The following NRG2 variants were observed in gnomAD, a reference collection of about 807,000 sequenced individuals.
The protein encoded by NRG2 is pro-neuregulin-2, membrane-bound isoform.
NRG2 carries 27 observed loss-of-function variants against 73.9 expected under a neutral mutation model. The observed-to-expected ratio is 0.37, with a 90% CI of 0.27 to 0.50. The LOEUF (loss-of-function observed/expected upper bound fraction) is 0.50. Ranked by LOEUF, NRG2 falls within the 20% of genes least tolerant of loss-of-function variation. The pLI is 0.96. For synonymous variants in NRG2, 532 were observed against 541.0 expected, an observed-to-expected ratio of 0.98 and a Z score of 0.23; for missense variants, 1,126 against 1,210.1, an observed-to-expected ratio of 0.93 and a Z score of 1.03.
At chr5:139,932,156 C>A (rs1752507901) in intron 1 of NRG2, among the ~76,000 whole-genome samples, 1 of 151,956 alleles carries the variant, frequency 6.6e-6, no homozygotes, top group Non-Finnish European at 1.5e-5. Context: ...AAGCATTAGT[C>A]ACATTAGCCA....
Position 139,847,767 on chromosome 5 carries a change from A to G in NRG2, c.*150T>C, listed in dbSNP as rs1202372214. 3.4e-6 allele frequency: 2 copies of G among 592,206 alleles called. No homozygotes were observed. The highest frequency in any genetic ancestry group is 5.0e-6 in the Non-Finnish European group (2 of 401,148). 36.7% of individuals were successfully genotyped at this position (592,206 alleles called of 1,614,324 possible). A position where few individuals can be genotyped will look rare whatever the true frequency, so the allele number is the denominator to read the frequency against. ...GTATTATAAGACAATTTTTGCTAAA[A>G]TGAAAATAAAACATTTTGTTATACT... On this transcript the variant is annotated 3_prime_UTR_variant, in exon 10 of 10. Transcript: ENST00000361474.
At chr5:139,886,097 C>CT (rs1323863463) in intron 2 of NRG2, among the ~76,000 whole-genome samples, 1 of 152,180 alleles carries the variant, frequency 6.6e-6, no homozygotes, top group East Asian at 1.9e-4. Flanking sequence ...TGGCAAGTTC[C>CT]TTAGGAAGCG....
intron 1 of NRG2, among the ~76,000 whole-genome samples, chr5:139,971,320 C>T (rs1755954302): frequency 6.6e-6 from 1 of 152,178 alleles, no homozygotes; most frequent in South Asian, 2.1e-4. Context: ...ATCTTCCTGG[C>T]ATCCAAACAG....
Position 139,904,198 on chromosome 5 carries a change from G to A in NRG2, c.701-16687C>T. ...CGCGCCCTCGGTGCCTGTCACCGCG[G>A]CGGCCGCTAGCGCAGCCTAGACTCA... On this transcript the variant is annotated intron_variant, in intron 1 of 9. Transcript: ENST00000361474. The surrounding 1 kb of genome is among the most constrained non-coding windows in gnomAD (Gnocchi z 6.0). The A allele has an allele frequency of 8.7e-7, 1 of 1,151,330 alleles. No homozygotes were observed. The highest frequency in any genetic ancestry group is 1.1e-6 in the Non-Finnish European group (1 of 889,056). 71.3% of individuals were successfully genotyped at this position (1,151,330 alleles called of 1,614,324 possible). A position where few individuals can be genotyped will look rare whatever the true frequency, so the allele number is the denominator to read the frequency against.
chr5:139,936,019 C>T (rs1389456349), intron 1 of NRG2, among the ~76,000 whole-genome samples: 1 of 150,002 alleles, frequency 6.7e-6, no homozygotes, highest in African/African-American at 2.5e-5. Flanking sequence ...AAATTTGTGG[C>T]ATGCAGCTTA....
intron 1 of NRG2, among the ~76,000 whole-genome samples, chr5:139,992,927 A>G (rs1580896453): frequency 6.6e-6 from 1 of 151,174 alleles, no homozygotes; most frequent in East Asian, 1.9e-4. Context: ...GGTTTTGCCT[A>G]ATTTTTAGTA....
intron 1 of NRG2, among the ~76,000 whole-genome samples, chr5:140,041,726 G>A (rs908741896): frequency 6.0e-5 from 9 of 150,624 alleles, no homozygotes; most frequent in Non-Finnish European, 1.0e-4. Context: ...TGTGCTACCT[G>A]CTTAGCAAAG....
intron 1 of NRG2, among the ~76,000 whole-genome samples, chr5:139,931,040 TCACTAACTTTGG>T (rs1752434185): frequency 6.6e-6 from 1 of 152,252 alleles, no homozygotes; most frequent in South Asian, 2.1e-4. Flanking sequence ...TCATTCTCTC[TCACTAACTTTGG>T]CACTAACTTT....
Position 139,987,816 on chromosome 5 carries a change from C to A in NRG2, c.700+54554G>T, listed in dbSNP as rs563435276. Among the ~76,000 whole-genome samples, 94 of 149,582 alleles carry A rather than the reference C, an allele frequency of 6.3e-4. 2 individuals carry two copies. The South Asian group carries it at 0.018, about 29-fold the overall frequency. ...TGAGACGAGAGTCTCACTCTGTTGC[C>A]CAGGCTGGAGTGCAGTAGTGCGATC... On this transcript the variant is annotated intron_variant, in intron 1 of 9. Coordinates refer to ENST00000361474, the MANE Select transcript of NRG2 (RefSeq NM_004883.3).
At chr5:139,949,193 C>A (rs1222727116) in intron 1 of NRG2, among the ~76,000 whole-genome samples, 3 of 152,140 alleles carry the variant, frequency 2.0e-5, no homozygotes. Flanking sequence ...GAGCCCCCAT[C>A]TTTCCTCTCT....
At chr5:139,939,960 C>T (rs72796714) in intron 1 of NRG2, among the ~76,000 whole-genome samples, 129 of 152,246 alleles carry the variant, frequency 8.5e-4, no homozygotes, top group Non-Finnish European at 1.6e-3. Context: ...AACATTAGAA[C>T]AAATGATAAA....
chr5:139,900,137 T>A (rs1764782134), intron 1 of NRG2, among the ~76,000 whole-genome samples: 1 of 151,918 alleles, frequency 6.6e-6, no homozygotes, highest in African/African-American at 2.4e-5. Flanking sequence ...TCCAATGTCA[T>A]CTCCTCTGTG....
chr5:139,861,079 C>G (rs755245511), intron 5 of NRG2, among the ~76,000 whole-genome samples: 8 of 152,222 alleles, frequency 5.3e-5, no homozygotes, highest in Non-Finnish European at 2.9e-5. Flanking sequence ...CGTTTCATCC[C>G]TAATTCACTA....
chr5:139,931,577 T>C (rs972602224), intron 1 of NRG2, among the ~76,000 whole-genome samples: 1 of 152,180 alleles, frequency 6.6e-6, no homozygotes. Context: ...TCCAACTGGA[T>C]CCAGATATTG....
intron 1 of NRG2, among the ~76,000 whole-genome samples, chr5:139,955,311 T>G (rs1754535228): frequency 6.7e-6 from 1 of 149,804 alleles, no homozygotes; most frequent in African/African-American, 2.5e-5. Context: ...GTTAGCAGAG[T>G]GGAGGGAGGG....
Position 139,881,181 on chromosome 5 carries a change from C to A in NRG2, c.873-207G>T, listed in dbSNP as rs554702398. Reference sequence around the variant, plus strand: ...TGCAGGGAGCCTTGGGCCCTTAGGACAACACAGGGCAGGACTAGTGGCTGC... The same window carrying A: ...TGCAGGGAGCCTTGGGCCCTTAGGAAAACACAGGGCAGGACTAGTGGCTGC... On this transcript the variant is annotated intron_variant, in intron 2 of 9. Transcript: ENST00000361474. Among the ~76,000 whole-genome samples, 14 of 152,276 alleles carry A rather than the reference C, an allele frequency of 9.2e-5. 1 individual carries two copies. In the East Asian group the frequency reaches 1.9e-3, roughly 21 times the overall value.
At chr5:139,885,428 C>T (rs913142199) in intron 2 of NRG2, among the ~76,000 whole-genome samples, 3 of 152,232 alleles carry the variant, frequency 2.0e-5, no homozygotes, top group Non-Finnish European at 2.9e-5. Context: ...CCACAGCCAT[C>T]GAGAGGTTGG....
At chr5:139,970,318 GTCT>G (rs1015340102) in intron 1 of NRG2, among the ~76,000 whole-genome samples, 1 of 152,062 alleles carries the variant, frequency 6.6e-6, no homozygotes, top group Non-Finnish European at 1.5e-5. Context: ...AAATGAACTG[GTCT>G]GGCCAATGGA....
intron 1 of NRG2, among the ~76,000 whole-genome samples, chr5:140,010,355 T>A (rs1259194783): frequency 6.6e-6 from 1 of 152,222 alleles, no homozygotes; most frequent in African/African-American, 2.4e-5. Context: ...CTCATACACT[T>A]GTCCAAACCC....
Sources: allele counts gnomAD v4.1 joint callset (sites outside exome capture counted in the v4.1 genomes callset), GRCh38; gene constraint gnomAD v4.1.1; non-coding constraint Gnocchi (gnomAD v3.1); transcripts MANE v1.5; gene names NCBI Gene and HGNC (gene_info 2026-07-23, HGNC 2026-07-21).